GALNT14: variants seen among roughly 807,000 people sequenced by gnomAD.
The protein encoded by GALNT14 is UDP-GalNAc:polypeptide N-acetylgalactosaminyltransferase 14.
GALNT14 carries 60 observed loss-of-function variants against 77.5 expected under a neutral mutation model. The ratio of observed to expected loss-of-function variants is 0.77; its 90% CI spans 0.63 to 0.96. The LOEUF is 0.96. Among genes scored for constraint, GALNT14 ranks in the 40% least tolerant of loss-of-function variants. GALNT14 has a pLI of 0.00. For synonymous variants in GALNT14, 280 were observed against 281.7 expected, an observed-to-expected ratio of 0.99 and a Z score of 0.06; for missense variants, 710 against 731.0, an observed-to-expected ratio of 0.97 and a Z score of 0.33.
At chr2:31,007,442 G>A (rs1052329515) in intron 1 of GALNT14, among the ~76,000 whole-genome samples, 7 of 152,124 alleles carry the variant, frequency 4.6e-5, no homozygotes, top group Admixed American at 3.3e-4. Flanking sequence ...AATGACACGC[G>A]TGTCACCAAT....
At chr2:30,918,279 C>T (rs758704974) in intron 13 of GALNT14, among the ~76,000 whole-genome samples, 1 of 152,194 alleles carries the variant, frequency 6.6e-6, no homozygotes, top group Non-Finnish European at 1.5e-5. Flanking sequence ...TGGGGTGATA[C>T]CAGGGCTAGA....
chr2:30,951,405 C>T (rs1165194775), intron 6 of GALNT14, among the ~76,000 whole-genome samples: 3 of 151,978 alleles, frequency 2.0e-5, no homozygotes, highest in Admixed American at 2.0e-4. Flanking sequence ...AGACAGAGAG[C>T]GGATTAGCAG....
rs140567880 is a variant in GALNT14, at chr2:31,109,813, G to A, written c.129+28145C>T. On this transcript the variant is annotated intron_variant, in intron 1 of 14. Coordinates refer to ENST00000349752, the MANE Select transcript of GALNT14 (RefSeq NM_024572.4). The stretch of plus-strand genomic sequence containing the variant: ...CTAAATGCAGACAAAGCTACTTAGC[G>A]CGCCAGGACAAGATGAGATGCTCCT... Among the ~76,000 whole-genome samples, 331 of 152,260 alleles carry A rather than the reference G, an allele frequency of 2.2e-3. 4 individuals carry two copies. The highest frequency in any genetic ancestry group is 7.6e-3 in the African/African-American group (317 of 41,548).
At chr2:30,975,260 T>C (rs146412988) in intron 2 of GALNT14, among the ~76,000 whole-genome samples, 2 of 152,284 alleles carry the variant, frequency 1.3e-5, no homozygotes, top group Non-Finnish European at 2.9e-5. Context: ...TTACCAAAGT[T>C]CCAAGAATGA....
At position 30,935,487 on chromosome 2, in the gene GALNT14, G is replaced by A. The variant is rs549014293; in HGVS notation, c.932-3293C>T. Reference sequence around the variant, plus strand: ...CTGCCGCCCAGAGGAACCTGCAGCCGAGATGAGTTAAGAGTGTCTCTACTC... The same window carrying A: ...CTGCCGCCCAGAGGAACCTGCAGCCAAGATGAGTTAAGAGTGTCTCTACTC... On this transcript the variant is annotated intron_variant, in intron 9 of 14. Transcript: ENST00000349752. Among the ~76,000 whole-genome samples the A allele has an allele frequency of 5.3e-5, 8 of 152,326 alleles. No homozygotes were observed. The East Asian group carries it at 7.7e-4, about 15-fold the overall frequency.
At chr2:30,986,382 T>TTCCC (rs757305703) in intron 2 of GALNT14, among the ~76,000 whole-genome samples, 31 of 152,122 alleles carry the variant, frequency 2.0e-4, no homozygotes, top group Admixed American at 1.9e-3. Flanking sequence ...TATCAAAATA[T>TTCCC]TCCCTCCCTC....
chr2:30,959,279 G>C (rs1204352709), intron 3 of GALNT14, among the ~76,000 whole-genome samples: 1 of 152,162 alleles, frequency 6.6e-6, no homozygotes, highest in Non-Finnish European at 1.5e-5. Context: ...CAGCCCTGAA[G>C]TTTGGTTTTG....
the GALNT14 span, among the ~76,000 whole-genome samples, chr2:30,895,805 G>T: frequency 6.8e-3 from 1,037 of 151,980 alleles, 20 homozygotes; most frequent in African/African-American, 0.024. Context: ...CTCTCTCAAA[G>T]AAAACCTCCT....
chr2:30,974,225 T>A (rs1668513714), intron 2 of GALNT14, among the ~76,000 whole-genome samples: 1 of 152,220 alleles, frequency 6.6e-6, no homozygotes, highest in Non-Finnish European at 1.5e-5. Context: ...CCAGACCCAA[T>A]GTGATTAAAT....
chr2:31,118,801 A>G (rs1214777278), intron 1 of GALNT14, among the ~76,000 whole-genome samples: 1 of 152,206 alleles, frequency 6.6e-6, no homozygotes, highest in Admixed American at 6.5e-5. Context: ...AGGAAATTCA[A>G]TAGACTAATT....
chr2:31,136,625 A>C (rs1679238791), intron 1 of GALNT14, among the ~76,000 whole-genome samples: 1 of 152,246 alleles, frequency 6.6e-6, no homozygotes, highest in Admixed American at 6.5e-5. Context: ...ATGCTTGTTG[A>C]AATCGACAAA....
chr2:30,940,391 CTT>C (rs1666309661), intron 9 of GALNT14, among the ~76,000 whole-genome samples: 1 of 152,208 alleles, frequency 6.6e-6, no homozygotes, highest in Non-Finnish European at 1.5e-5. Context: ...AGAAGAATCA[CTT>C]TGTGCAGTTC....
intron 8 of GALNT14, among the ~76,000 whole-genome samples, chr2:30,943,425 A>G (rs1332972535): frequency 6.6e-6 from 1 of 152,160 alleles, no homozygotes; most frequent in East Asian, 1.9e-4. Context: ...GAAGTAATTG[A>G]TGGACAGCTG....
intron 1 of GALNT14, among the ~76,000 whole-genome samples, chr2:31,087,274 A>C (rs77020046): frequency 0.022 from 3,278 of 152,288 alleles, 50 homozygotes; most frequent in African/African-American, 0.039. Context: ...AAAAACAGCA[A>C]TTCTGTCTGG....
the GALNT14 span, among the ~76,000 whole-genome samples, chr2:30,901,579 T>C: frequency 1.9e-4 from 29 of 151,814 alleles, no homozygotes; most frequent in Admixed American, 1.3e-4. Context: ...TGTGTGTATA[T>C]ATGTGAGTAT....
At chr2:31,117,727 C>T (rs918852200) in intron 1 of GALNT14, among the ~76,000 whole-genome samples, 17 of 152,032 alleles carry the variant, frequency 1.1e-4, no homozygotes, top group Non-Finnish European at 8.8e-5. Context: ...TAGTAGAAAA[C>T]GTGAAAAGAC....
chr2:31,079,044 T>C (rs374187980), intron 1 of GALNT14: 1 of 1,272,732 alleles, frequency 7.9e-7, no homozygotes, highest in Non-Finnish European at 1.0e-6. Flanking sequence ...GGCTCAGGTG[T>C]CAGCTGCAAA....
intron 1 of GALNT14, among the ~76,000 whole-genome samples, chr2:31,111,995 C>CTTTTTTT (rs398080139): frequency 7.5e-6 from 1 of 134,120 alleles, no homozygotes. Context: ...TGTGTACTTG[C>CTTTTTTT]TTTTTTTTTT....
In GALNT14 at chr2:30,992,947, C is replaced by A; in HGVS notation, c.190G>T (p.Ala64Ser). ...DQFDERRYLNAKKWRVGDDPY... is the reference protein window; with the variant it reads ...DQFDERRYLNSKKWRVGDDPY... ...TCGTCACCAACGCGCCACTTTTTGG[C>A]ATTCAGATACCGCCGCTCATCAAAC... The change falls in exon 2 of 15, where the codon GCC becomes TCC. Residue 64 changes from alanine to serine, a missense_variant. Ala to Ser is a moderately conservative substitution (Grantham distance 99, BLOSUM62 1). Coordinates refer to ENST00000349752, the MANE Select transcript of GALNT14 (RefSeq NM_024572.4). The A allele has an allele frequency of 6.2e-7, 1 of 1,614,192 alleles. No homozygotes were observed.
Sources: gnomAD v4.1 joint callset for allele counts (sites outside exome capture counted in the v4.1 genomes callset) on GRCh38, gnomAD v4.1.1 for gene constraint, MANE v1.5 for transcripts, NCBI Gene and HGNC (gene_info 2026-07-23, HGNC 2026-07-21) for gene names.